DPP10: variants seen among roughly 807,000 people sequenced by gnomAD.
The protein encoded by DPP10 is inactive dipeptidyl peptidase 10.
Under a neutral mutation model 120.9 loss-of-function variants are expected in DPP10, and 33 were observed. The ratio of observed to expected loss-of-function variants is 0.27; its 90% confidence interval spans 0.21 to 0.37. DPP10 has a LOEUF of 0.37. Ranked by LOEUF, DPP10 falls within the 10% of genes least tolerant of loss-of-function variation. The probability of loss-of-function intolerance (pLI) is 1.00; values close to 1 mark genes in which losing one functional copy is unlikely to be tolerated. For synonymous variants in DPP10, 337 were observed against 326.1 expected, an observed-to-expected ratio of 1.03 and a Z score of -0.36; for missense variants, 816 against 942.8, an observed-to-expected ratio of 0.87 and a Z score of 1.76.
At chr2:114,669,762 T>A (rs1292671320) in intron 1 of DPP10, among the ~76,000 whole-genome samples, 1 of 152,088 alleles carries the variant, frequency 6.6e-6, no homozygotes, top group Non-Finnish European at 1.5e-5. Flanking sequence ...TGGCCATTTT[T>A]TTTATTATTA....
chr2:115,044,455 C>T (rs368696125), intron 1 of DPP10, among the ~76,000 whole-genome samples: 26 of 151,928 alleles, frequency 1.7e-4, no homozygotes, highest in Admixed American at 5.9e-4. Flanking sequence ...TGTTGGTGTG[C>T]TGCACCCACT....
chr2:115,632,002 A>G (rs1032687599), intron 5 of DPP10, among the ~76,000 whole-genome samples: 1 of 152,124 alleles, frequency 6.6e-6, no homozygotes, highest in Non-Finnish European at 1.5e-5. Flanking sequence ...TCTTATATTG[A>G]CAGTGGGGTG....
chr2:115,339,625 C>T lies in DPP10; in HGVS notation c.176-4192C>T, dbSNP rs550680201. Among the ~76,000 whole-genome samples, 4 of 152,112 alleles carry T rather than the reference C, an allele frequency of 2.6e-5. No individual in the cohort carries two copies. The South Asian group carries it at 8.3e-4, about 32-fold the overall frequency. ...TCAATACCCTGGAATATTACTCAGC[C>T]ATCAAAAGTGATAGATTATTTATAC... On this transcript the variant is annotated intron_variant, in intron 2 of 25. Transcript: ENST00000410059.
At chr2:114,924,784 A>G (rs1574495801) in intron 1 of DPP10, among the ~76,000 whole-genome samples, 1 of 152,182 alleles carries the variant, frequency 6.6e-6, no homozygotes, top group East Asian at 1.9e-4. Flanking sequence ...CACAGCAAAA[A>G]AAAGACAAAA....
chr2:114,906,223 T>C (rs1288884515), intron 1 of DPP10, among the ~76,000 whole-genome samples: 3 of 143,776 alleles, frequency 2.1e-5, no homozygotes, highest in African/African-American at 7.4e-5. Flanking sequence ...ACTAAAAATA[T>C]ATACAAAAAA....
chr2:114,959,101 C>G (rs1029506321), intron 1 of DPP10, among the ~76,000 whole-genome samples: 1 of 152,056 alleles, frequency 6.6e-6, no homozygotes, highest in African/African-American at 2.4e-5. Context: ...CTCTGTCACC[C>G]GGGCTGGAGT....
chr2:115,448,459 G>A (rs2072818102), intron 3 of DPP10, among the ~76,000 whole-genome samples: 1 of 152,110 alleles, frequency 6.6e-6, no homozygotes. Context: ...AGCCAAGTGA[G>A]CCCCCTCCTC....
chr2:115,038,870 T>C (rs1704430711), intron 1 of DPP10, among the ~76,000 whole-genome samples: 1 of 152,216 alleles, frequency 6.6e-6, no homozygotes, highest in Admixed American at 6.5e-5. Flanking sequence ...ATCAGAGCCC[T>C]TCCTTTTAAC....
chr2:115,401,282 C>T (rs1574717522), intron 3 of DPP10, among the ~76,000 whole-genome samples: 1 of 152,160 alleles, frequency 6.6e-6, no homozygotes, highest in Non-Finnish European at 1.5e-5. Flanking sequence ...TGGGTGATCA[C>T]TAAACTATGA....
At chr2:115,002,205 A>G (rs114553016) in intron 1 of DPP10, among the ~76,000 whole-genome samples, 1,887 of 152,162 alleles carry the variant, frequency 0.012, 43 homozygotes, top group African/African-American at 0.043. Flanking sequence ...ACAGAGACCA[A>G]TGCAACAAAA....
intron 15 of DPP10, among the ~76,000 whole-genome samples, chr2:115,778,081 C>A (rs1682334026): frequency 6.6e-6 from 1 of 152,050 alleles, no homozygotes; most frequent in African/African-American, 2.4e-5. Flanking sequence ...TTTGCAGTTT[C>A]TTAATATCTT....
At chr2:114,613,931 A>T (rs1693475605) in intron 1 of DPP10, among the ~76,000 whole-genome samples, 1 of 152,052 alleles carries the variant, frequency 6.6e-6, no homozygotes, top group South Asian at 2.1e-4. Flanking sequence ...GAACACATGG[A>T]CCCAGGAAGG....
chr2:115,004,535 G>A (rs1174982825), intron 1 of DPP10, among the ~76,000 whole-genome samples: 2 of 152,184 alleles, frequency 1.3e-5, no homozygotes, highest in African/African-American at 2.4e-5. Context: ...CCAAAGCAGG[G>A]CGAGGCATTG....
chr2:115,282,635 C>T (rs1162957425), intron 1 of DPP10, among the ~76,000 whole-genome samples: 5 of 152,076 alleles, frequency 3.3e-5, no homozygotes, highest in African/African-American at 1.2e-4. Context: ...GGAACTAACC[C>T]TCATCTGTAA....
chr2:115,056,234 A>G (rs912097413), intron 1 of DPP10, among the ~76,000 whole-genome samples: 1 of 152,150 alleles, frequency 6.6e-6, no homozygotes, highest in Non-Finnish European at 1.5e-5. Context: ...GAAAATATAT[A>G]TGAGTCAAGG....
intron 3 of DPP10, among the ~76,000 whole-genome samples, chr2:115,457,497 A>T (rs551731840): frequency 8.9e-4 from 136 of 152,268 alleles, no homozygotes; most frequent in African/African-American, 3.0e-3. Context: ...AATGTATTTT[A>T]AAAAATCAAA....
At chr2:115,550,569 C>T (rs1317939898) in intron 5 of DPP10, among the ~76,000 whole-genome samples, 2 of 152,034 alleles carry the variant, frequency 1.3e-5, no homozygotes, top group Non-Finnish European at 2.9e-5. Flanking sequence ...AGAAACTGAC[C>T]CTCGTTCTTA....
intron 1 of DPP10, among the ~76,000 whole-genome samples, chr2:114,921,315 G>T (rs891025884): frequency 6.6e-6 from 1 of 152,158 alleles, no homozygotes; most frequent in Non-Finnish European, 1.5e-5. Context: ...GCATAAGTTA[G>T]TGATTCTTTG....
chr2:114,722,246 A>G (rs1427473955), intron 1 of DPP10, among the ~76,000 whole-genome samples: 2 of 152,198 alleles, frequency 1.3e-5, no homozygotes, highest in Admixed American at 1.3e-4. Context: ...TTATCTATTT[A>G]TAATTTTGCC....
Sources: allele counts gnomAD v4.1 joint callset (sites outside exome capture counted in the v4.1 genomes callset), GRCh38; gene constraint gnomAD v4.1.1; transcripts MANE v1.5; gene names NCBI Gene and HGNC (gene_info 2026-07-23, HGNC 2026-07-21).